The following DNAAF9 variants were observed in gnomAD, a reference collection of about 807,000 sequenced individuals.
DNAAF9 encodes the protein shulin.
In DNAAF9, 90 loss-of-function variants were observed where a neutral mutation model predicts 167.0. That is an observed-to-expected ratio of 0.54 (90% confidence interval 0.45 to 0.64). The LOEUF (loss-of-function observed/expected upper bound fraction) is 0.64, where lower values mean the gene tolerates loss of function less well. DNAAF9 is among the 30% of genes least tolerant of loss of function. The pLI, the probability that DNAAF9 is intolerant of heterozygous loss-of-function variation, is 0.00. For missense variants in DNAAF9, 1,315 were observed against 1,442.2 expected, an observed-to-expected ratio of 0.91 and a Z score of 1.43; for synonymous variants, 491 against 508.8, an observed-to-expected ratio of 0.96 and a Z score of 0.47.
rs190370928 is a variant in DNAAF9, at chr20:3,380,132, C to A, written c.283+1247G>T. 3.2e-3 allele frequency among the ~76,000 whole-genome samples: 486 copies of A among 152,304 alleles called. 2 individuals are homozygous for A. The highest frequency in any genetic ancestry group is 0.011 in the African/African-American group (456 of 41,578). Reference sequence around the variant, plus strand: ...TTAAACTATTTCCTTAATTTCAGTACTGTAATGTCCTTAGCAATCTGGGCT... The same window carrying A: ...TTAAACTATTTCCTTAATTTCAGTAATGTAATGTCCTTAGCAATCTGGGCT... On this transcript the variant is annotated intron_variant, in intron 3 of 36. Transcript: ENST00000252032.
chr20:3,322,618 T>C (rs1277662844), intron 15 of DNAAF9, 34 bp downstream of exon 15: 11 of 1,544,572 alleles, frequency 7.1e-6, no homozygotes, highest in Non-Finnish European at 9.9e-6. Flanking sequence ...TAAAACTTGC[T>C]CCATGTAAGG....
At chr20:3,307,736 A>G (rs2069325723) in intron 20 of DNAAF9, among the ~76,000 whole-genome samples, 1 of 152,104 alleles carries the variant, frequency 6.6e-6, no homozygotes, top group Non-Finnish European at 1.5e-5. Flanking sequence ...TATCCCTGGA[A>G]GTCCAACAAA....
intron 7 of DNAAF9, among the ~76,000 whole-genome samples, chr20:3,353,206 C>G (rs2070360275): frequency 6.6e-6 from 1 of 151,894 alleles, no homozygotes; most frequent in Non-Finnish European, 1.5e-5. Flanking sequence ...TCTGCTCTCT[C>G]TCTCTGATAC....
chr20:3,345,393 C>G (rs6051768), intron 8 of DNAAF9, among the ~76,000 whole-genome samples: 2 of 152,138 alleles, frequency 1.3e-5, no homozygotes, highest in Admixed American at 6.5e-5. Flanking sequence ...TCAAGCAATC[C>G]TAATAACAAC....
intron 23 of DNAAF9, chr20:3,295,737 T>C (rs1165577033): frequency 3.1e-6 from 2 of 639,238 alleles, no homozygotes; most frequent in Admixed American, 1.8e-5. Flanking sequence ...ACGCGTGATG[T>C]AGTTGTCCAC....
intron 7 of DNAAF9, among the ~76,000 whole-genome samples, 154 bp from the exon 8 acceptor site, chr20:3,348,777 C>T (rs2070249774): frequency 1.3e-5 from 2 of 152,098 alleles, no homozygotes; most frequent in African/African-American, 4.8e-5. Context: ...CATGCTACTC[C>T]TATGGATGAA....
chr20:3,269,991 T>C (rs2068564171), intron 30 of DNAAF9, among the ~76,000 whole-genome samples: 1 of 151,746 alleles, frequency 6.6e-6, no homozygotes. Context: ...AACTGTTTTT[T>C]TTCTTTTTCC....
At chr20:3,274,841 C>A (rs1392666781) in intron 29 of DNAAF9, among the ~76,000 whole-genome samples, 1 of 152,184 alleles carries the variant, frequency 6.6e-6, no homozygotes. Context: ...CACTGGGAAA[C>A]TAAGTCATAC....
chr20:3,316,862 C>A, intron 17 of DNAAF9, 69 bp from the exon 18 acceptor site: 3 of 961,512 alleles, frequency 3.1e-6, no homozygotes, highest in East Asian at 2.5e-5. Flanking sequence ...GCCCCAGACC[C>A]TAAATGCCCT....
At chr20:3,314,847 A>G (rs2069475199) in intron 20 of DNAAF9, among the ~76,000 whole-genome samples, 186 bp downstream of exon 20, 1 of 152,222 alleles carries the variant, frequency 6.6e-6, no homozygotes, top group Admixed American at 6.5e-5. Context: ...TTCTGTGATC[A>G]GCCCTTCCTA....
chr20:3,340,649 G>C lies in DNAAF9; in HGVS notation c.846-10C>G, dbSNP rs779436967. 1.2e-6 allele frequency: 2 copies of C among 1,613,720 alleles called. No individual in the cohort carries two copies. Among genetic ancestry groups the C allele is most frequent in the African/African-American group, 2.7e-5 (2 of 74,996 alleles). ...TGGCTGCCGGTTAGGGCTAGAGAGG[G>C]AAGTCAAAAACATGTGATTAGAAAA... On this transcript the variant is annotated splice_polypyrimidine_tract_variant and intron_variant, in intron 9 of 36. Transcript: ENST00000252032.
At chr20:3,292,804 C>T (rs1278840411) in intron 25 of DNAAF9, among the ~76,000 whole-genome samples, 7 of 147,604 alleles carry the variant, frequency 4.7e-5, no homozygotes, top group African/African-American at 1.8e-4. Context: ...TGGTGGCTCA[C>T]GCCTGTAATC....
chr20:3,355,202 G>A (rs939458210), intron 7 of DNAAF9, among the ~76,000 whole-genome samples: 3 of 152,220 alleles, frequency 2.0e-5, no homozygotes, highest in African/African-American at 4.8e-5. Context: ...AATTAGGTTC[G>A]CCAGGGGATG....
Position 3,304,442 on chromosome 20 carries a change from C to A in DNAAF9, c.1780G>T (p.Gly594Trp). 7.3e-7 allele frequency: 1 copy of A among 1,375,994 alleles called. No homozygotes were observed. The highest frequency in any genetic ancestry group is 1.0e-6 in the Non-Finnish European group (1 of 963,438). 85.2% of individuals were successfully genotyped at this position (1,375,994 alleles called of 1,614,324 possible). A position where few individuals can be genotyped will look rare whatever the true frequency, so the allele number is the denominator to read the frequency against. ...CCACTGACTAGTAAAACACCTACCC[C>A]ATCATAGAAGGAAATGGAATTCATG... Reference protein sequence around the residue: ...DHMNSISFYDGDSTSTVAALL... With the variant: ...DHMNSISFYDWDSTSTVAALL... The change falls in exon 21 of 37, where the codon GGG becomes TGG. Residue 594 changes from glycine (G) to tryptophan (W), a missense_variant and splice_region_variant. Around this residue, in one of 2 missense-constraint regions of DNAAF9, gnomAD observed 981 missense variants for 1,012.5 expected, o/e 0.97. Transcript: ENST00000252032.
At chr20:3,270,950 T>C (rs1056827584) in intron 29 of DNAAF9, among the ~76,000 whole-genome samples, 1 of 151,910 alleles carries the variant, frequency 6.6e-6, no homozygotes, top group African/African-American at 2.4e-5. Context: ...GTAGCAGGAA[T>C]TACAGGAACC....
chr20:3,397,350 G>A (rs923131899), intron 1 of DNAAF9, among the ~76,000 whole-genome samples: 17 of 151,794 alleles, frequency 1.1e-4, no homozygotes, highest in East Asian at 1.9e-4. Context: ...ACGGAGTCTC[G>A]CTCAGTCACC....
At chr20:3,294,065 C>T (rs1248746872) in intron 25 of DNAAF9, 74 bp downstream of exon 25, 1 of 839,292 alleles carries the variant, frequency 1.2e-6, no homozygotes, top group African/African-American at 1.7e-5. Context: ...TGTTAACTGA[C>T]ACAAAAGATT....
chr20:3,401,572 T>C (rs1290098261), intron 1 of DNAAF9, among the ~76,000 whole-genome samples: 2 of 143,232 alleles, frequency 1.4e-5, no homozygotes, highest in Non-Finnish European at 3.0e-5. Flanking sequence ...AAATTTAACA[T>C]AGCCCACAGC....
intron 23 of DNAAF9, chr20:3,296,589 C>G (rs1289269398): frequency 2.4e-6 from 1 of 411,582 alleles, no homozygotes; most frequent in African/African-American, 2.0e-5. Flanking sequence ...GTTGCCCAGG[C>G]AGGCTAGTCT....
Sources: gnomAD v4.1 joint callset for allele counts (sites outside exome capture counted in the v4.1 genomes callset) on GRCh38, gnomAD v4.1.1 for gene constraint, gnomAD v4.1.1 regional missense constraint, MANE v1.5 for transcripts, NCBI Gene and HGNC (gene_info 2026-07-23, HGNC 2026-07-21) for gene names.